RAB1A: variants seen among roughly 807,000 people sequenced by gnomAD.
The protein encoded by RAB1A is RAB1A, member RAS oncogene family, also known as ras-related protein Rab-1A.
A neutral mutation model predicts 26.0 loss-of-function variants in RAB1A; 2 were observed. The ratio of observed to expected loss-of-function variants is 0.08; its 90% CI spans 0.03 to 0.24. The LOEUF (loss-of-function observed/expected upper bound fraction) is 0.24. Ranked by LOEUF, RAB1A falls within the 10% of genes least tolerant of loss-of-function variation. The pLI is 1.00. For synonymous variants in RAB1A, 84 were observed against 84.9 expected (o/e 0.99, Z 0.06); for missense variants, 100 against 247.0 (o/e 0.40, Z 3.99).
intron 2 of RAB1A, among the ~76,000 whole-genome samples, chr2:65,101,984 G>T (rs576971451): frequency 6.6e-6 from 1 of 151,988 alleles, no homozygotes; most frequent in Non-Finnish European, 1.5e-5. Flanking sequence ...CCTGACCTCA[G>T]ATGATCCGCC....
At chr2:65,100,897 G>C (rs1669409085) in intron 2 of RAB1A, among the ~76,000 whole-genome samples, 1 of 152,052 alleles carries the variant, frequency 6.6e-6, no homozygotes, top group Admixed American at 6.6e-5. Context: ...TGTAATCCCA[G>C]CACTTTGGGG....
At chr2:65,101,465 G>A (rs1318053631) in intron 2 of RAB1A, among the ~76,000 whole-genome samples, 1 of 151,996 alleles carries the variant, frequency 6.6e-6, no homozygotes, top group African/African-American at 2.4e-5. Flanking sequence ...AGGGTATGGG[G>A]ATCAGCATTT....
chr2:65,115,490 G>A (rs1354248330), intron 1 of RAB1A, among the ~76,000 whole-genome samples: 4 of 152,162 alleles, frequency 2.6e-5, no homozygotes, highest in Admixed American at 1.3e-4. Context: ...CTTACTCCTT[G>A]CTGGAGACAA....
chr2:65,105,242 C>A (rs574051824), intron 1 of RAB1A, among the ~76,000 whole-genome samples: 1 of 152,214 alleles, frequency 6.6e-6, no homozygotes, highest in Admixed American at 6.5e-5. Flanking sequence ...CAGTGGCTCA[C>A]ACCTGTAATC....
chr2:65,095,624 A>C (rs189883723), intron 3 of RAB1A, among the ~76,000 whole-genome samples: 1 of 148,230 alleles, frequency 6.7e-6, no homozygotes, highest in Non-Finnish European at 1.5e-5. Flanking sequence ...TCGGCCTCCC[A>C]AAGTGCTGGG....
chr2:65,091,621 C>T (rs189626887), intron 3 of RAB1A, among the ~76,000 whole-genome samples: 3 of 152,260 alleles, frequency 2.0e-5, no homozygotes, highest in African/African-American at 7.2e-5. Context: ...CAACCTCCCA[C>T]CTCAAGCAAT....
At chr2:65,093,820 C>T (rs1669224515) in intron 3 of RAB1A, among the ~76,000 whole-genome samples, 1 of 151,976 alleles carries the variant, frequency 6.6e-6, no homozygotes, top group Admixed American at 6.6e-5. Flanking sequence ...AGATGGGCTT[C>T]ACCATGCTGG....
At chr2:65,094,525 A>C (rs1192310239) in intron 3 of RAB1A, among the ~76,000 whole-genome samples, 2 of 151,614 alleles carry the variant, frequency 1.3e-5, no homozygotes, top group Non-Finnish European at 2.9e-5. Context: ...CGGAGGTTGC[A>C]GTGAGCCGAG....
At chr2:65,125,543 T>A (rs1021291386) in intron 1 of RAB1A, among the ~76,000 whole-genome samples, 1 of 151,448 alleles carries the variant, frequency 6.6e-6, no homozygotes, top group African/African-American at 2.4e-5. Context: ...TGCCTCAGGT[T>A]CCTGAGTAGC....
In RAB1A at chr2:65,127,708, C is replaced by T. The variant is rs576590128; in HGVS notation, c.23+2185G>A. Among the ~76,000 whole-genome samples the T allele has an allele frequency of 1.3e-5, 2 of 152,168 alleles. 1 individual carries two copies. The highest frequency in any genetic ancestry group is 4.8e-5 in the African/African-American group (2 of 41,452). On this transcript the variant is annotated intron_variant, in intron 1 of 5. Coordinates refer to ENST00000409784, the MANE Select transcript of RAB1A (RefSeq NM_004161.5). ...CGCCATTGCACTCCAGCCTGGGCAA[C>T]AAGATTGAAACTCCGTCTCAAAACA...
intron 1 of RAB1A, among the ~76,000 whole-genome samples, chr2:65,122,153 C>CT (rs1254928981): frequency 0.023 from 1,253 of 54,306 alleles, 111 homozygotes; most frequent in African/African-American, 0.1. Context: ...AAGACTCTAT[C>CT]TCAAAAAAAA....
At chr2:65,089,702 A>ATTTTTTTTTTTG (rs1669123192) in intron 4 of RAB1A, among the ~76,000 whole-genome samples, 1 of 141,950 alleles carries the variant, frequency 7.0e-6, no homozygotes, top group African/African-American at 2.7e-5. Context: ...AATTTGATTA[A>ATTTTTTTTTTTG]TTTTTTTTTT....
intron 2 of RAB1A, among the ~76,000 whole-genome samples, chr2:65,103,090 T>C (rs1302770390): frequency 6.6e-6 from 1 of 151,822 alleles, no homozygotes; most frequent in Non-Finnish European, 1.5e-5. Context: ...CTGAGGCACA[T>C]GCATCGCTTG....
intron 5 of RAB1A, 102 bp downstream of exon 5, chr2:65,088,837 A>G: frequency 1.7e-6 from 2 of 1,161,406 alleles, no homozygotes; most frequent in Non-Finnish European, 2.4e-6. Flanking sequence ...ACAGTATTCT[A>G]GTGCACATAT....
At chr2:65,121,598 T>C (rs1470181914) in intron 1 of RAB1A, among the ~76,000 whole-genome samples, 3 of 152,164 alleles carry the variant, frequency 2.0e-5, no homozygotes, top group African/African-American at 7.2e-5. Flanking sequence ...GGACCATTTT[T>C]CCCCTGAATA....
At chr2:65,116,252 C>T (rs1248552737) in intron 1 of RAB1A, among the ~76,000 whole-genome samples, 1 of 152,152 alleles carries the variant, frequency 6.6e-6, no homozygotes, top group Non-Finnish European at 1.5e-5. Context: ...GCAAGTGACA[C>T]AAGATGACAA....
At chr2:65,089,996 C>T (rs560378726) in intron 4 of RAB1A, among the ~76,000 whole-genome samples, 2 of 152,200 alleles carry the variant, frequency 1.3e-5, no homozygotes, top group Non-Finnish European at 2.9e-5. Flanking sequence ...AGCCACTGCG[C>T]CTGGCCTGAA....
chr2:65,112,581 G>C (rs967279002), intron 1 of RAB1A, among the ~76,000 whole-genome samples: 1 of 152,072 alleles, frequency 6.6e-6, no homozygotes, highest in African/African-American at 2.4e-5. Flanking sequence ...AAATTCTGTT[G>C]AACTGCTTGA....
At chr2:65,099,384 T>C (rs1432203404) in intron 2 of RAB1A, among the ~76,000 whole-genome samples, 3 of 152,182 alleles carry the variant, frequency 2.0e-5, no homozygotes, top group Non-Finnish European at 4.4e-5. Context: ...ATAAAAATAT[T>C]TCTCGTGAAA....
Sources: gnomAD v4.1 joint callset for allele counts (sites outside exome capture counted in the v4.1 genomes callset) on GRCh38, gnomAD v4.1.1 for gene constraint, MANE v1.5 for transcripts, NCBI Gene and HGNC (gene_info 2026-07-23, HGNC 2026-07-21) for gene names.